The following RALYL variants were observed in gnomAD, a reference collection of about 807,000 sequenced individuals.
RALYL encodes RALY RNA binding protein like, also known as RNA-binding Raly-like protein.
Under a neutral mutation model 35.1 loss-of-function variants are expected in RALYL, and 29 were observed. The observed-to-expected ratio is 0.83, with a 90% CI of 0.61 to 1.13. The LOEUF (loss-of-function observed/expected upper bound fraction) is 1.13, where lower values mean the gene tolerates loss of function less well. Among genes scored for constraint, RALYL ranks in the 50% most tolerant of loss-of-function variants. RALYL has a pLI of 0.00. For missense variants in RALYL, 359 were observed against 360.4 expected, an observed-to-expected ratio of 1.00 and a Z score of 0.03; for synonymous variants, 120 against 127.6, an observed-to-expected ratio of 0.94 and a Z score of 0.40.
At chr8:84,407,170 A>G (rs901625567) in intron 1 of RALYL, among the ~76,000 whole-genome samples, 1 of 152,026 alleles carries the variant, frequency 6.6e-6, no homozygotes, top group African/African-American at 2.4e-5. Context: ...AGTAATTATG[A>G]TGATACAGCA....
chr8:84,384,259 A>C (rs1363496324), intron 1 of RALYL, among the ~76,000 whole-genome samples: 1 of 151,746 alleles, frequency 6.6e-6, no homozygotes, highest in Non-Finnish European at 1.5e-5. Flanking sequence ...GGATCAGAAG[A>C]AATGATGGGT....
chr8:84,279,412 G>A lies in RALYL; in HGVS notation c.-24+94988G>A, dbSNP rs193215206. Among the ~76,000 whole-genome samples the A allele has an allele frequency of 4.6e-5, 7 of 152,252 alleles. No individual in the cohort carries two copies. In the East Asian group the frequency reaches 1.4e-3, roughly 29 times the overall value. On this transcript the variant is annotated intron_variant, in intron 1 of 8. Transcript: ENST00000521268. ...ATTAAAGAGTTTTTATTCAAAATTG[G>A]ACAGATATATTTATGAGATTCAGAA...
intron 2 of RALYL, among the ~76,000 whole-genome samples, chr8:84,674,713 T>C (rs773708935): frequency 1.4e-4 from 21 of 152,198 alleles, no homozygotes; most frequent in Admixed American, 2.6e-4. Flanking sequence ...ATTCTTAGCA[T>C]ATTTTTAGCA....
At chr8:84,362,422 G>T (rs1010128802) in intron 1 of RALYL, among the ~76,000 whole-genome samples, 6 of 152,068 alleles carry the variant, frequency 3.9e-5, no homozygotes, top group African/African-American at 1.4e-4. Flanking sequence ...TAGAGCAGGG[G>T]TCCTCAACCT....
At chr8:84,228,407 G>A (rs1824498708) in intron 1 of RALYL, among the ~76,000 whole-genome samples, 1 of 151,908 alleles carries the variant, frequency 6.6e-6, no homozygotes. Context: ...GGTATCTGAG[G>A]TAGTACTAGA....
At chr8:84,385,752 C>A (rs1358565281) in intron 1 of RALYL, among the ~76,000 whole-genome samples, 1 of 151,780 alleles carries the variant, frequency 6.6e-6, no homozygotes, top group African/African-American at 2.4e-5. Flanking sequence ...GCTAGCTAGC[C>A]TTTGATGTTA....
At chr8:84,228,813 G>A (rs549442803) in intron 1 of RALYL, among the ~76,000 whole-genome samples, 4 of 152,246 alleles carry the variant, frequency 2.6e-5, no homozygotes, top group South Asian at 2.1e-4. Flanking sequence ...GAGAATGAGC[G>A]CTGAGTGAAG....
At chr8:84,571,576 G>C (rs919919308) in intron 2 of RALYL, among the ~76,000 whole-genome samples, 1 of 151,304 alleles carries the variant, frequency 6.6e-6, no homozygotes, top group Non-Finnish European at 1.5e-5. Flanking sequence ...TTCTTTCATT[G>C]GTCATTTGTA....
At chr8:84,231,184 A>G (rs566583467) in intron 1 of RALYL, among the ~76,000 whole-genome samples, 2 of 152,330 alleles carry the variant, frequency 1.3e-5, no homozygotes, top group South Asian at 4.1e-4. Context: ...GGCTTTTTCT[A>G]AGAAGTGATG....
chr8:84,846,966 T>C (rs1473412836), intron 4 of RALYL, among the ~76,000 whole-genome samples: 6 of 152,218 alleles, frequency 3.9e-5, no homozygotes, highest in African/African-American at 7.2e-5. Context: ...TGCTCCACTT[T>C]TGGCTATTTT....
At chr8:84,903,685 T>C (rs1294527218) in intron 8 of RALYL, among the ~76,000 whole-genome samples, 1 of 152,160 alleles carries the variant, frequency 6.6e-6, no homozygotes, top group Admixed American at 6.6e-5. Context: ...CCTATTTTTG[T>C]GTAGGGTGGG....
intron 1 of RALYL, among the ~76,000 whole-genome samples, chr8:84,386,540 G>A (rs963576406): frequency 1.1e-4 from 17 of 151,772 alleles, no homozygotes; most frequent in African/African-American, 3.4e-4. Context: ...TTGGGTAGTA[G>A]TACCTTTATT....
chr8:84,884,496 T>C (rs2403032), intron 7 of RALYL, among the ~76,000 whole-genome samples: 69,470 of 151,570 alleles, frequency 0.46, 18,922 homozygotes, highest in African/African-American at 0.75. Context: ...TATATACATA[T>C]ACACACAAAC....
intron 1 of RALYL, among the ~76,000 whole-genome samples, chr8:84,277,613 T>G (rs1324305010): frequency 2.6e-5 from 4 of 152,124 alleles, no homozygotes; most frequent in African/African-American, 9.7e-5. Flanking sequence ...GCCTGTAAAA[T>G]TAAAAACAAG....
intron 2 of RALYL, among the ~76,000 whole-genome samples, chr8:84,584,761 T>G (rs1176006197): frequency 1.3e-5 from 2 of 152,222 alleles, no homozygotes; most frequent in Non-Finnish European, 2.9e-5. Flanking sequence ...ACAGAAACTT[T>G]GCTAACGCTT....
chr8:84,227,573 C>A (rs1478698547), intron 1 of RALYL, among the ~76,000 whole-genome samples: 1 of 151,950 alleles, frequency 6.6e-6, no homozygotes, highest in African/African-American at 2.4e-5. Context: ...TGATCTTATT[C>A]TTCCACTATT....
chr8:84,619,539 CTT>C lies in RALYL; in HGVS notation c.256+89964_256+89965del, dbSNP rs1482832348. On this transcript the variant is annotated intron_variant, in intron 2 of 8. Coordinates refer to ENST00000521268, the MANE Select transcript of RALYL (RefSeq NM_173848.7). ...TACAGCACACTGATGGGTCTTGACT[CTT>C]TATCCAATTTGCCAGTCTGTGTCTT... Among the ~76,000 whole-genome samples the C allele has an allele frequency of 1.7e-4, 25 of 146,918 alleles. No homozygotes were observed. In the South Asian group the frequency reaches 5.5e-3, roughly 32 times the overall value.
chr8:84,352,454 T>A (rs554291301), intron 1 of RALYL, among the ~76,000 whole-genome samples: 2 of 150,540 alleles, frequency 1.3e-5, no homozygotes, highest in East Asian at 3.9e-4. Context: ...TTTAGGATAT[T>A]TGTTATGCTT....
Position 84,705,193 on chromosome 8 carries a change from G to C in RALYL, c.257-69386G>C, listed in dbSNP as rs182010385. ...AAGGACAGTACAAGCTATAATGAAG[G>C]CAGAGCTTCCACCTTGTCCACTTGA... On this transcript the variant is annotated intron_variant, in intron 2 of 8. Transcript: ENST00000521268. 7.9e-5 allele frequency among the ~76,000 whole-genome samples: 12 copies of C among 152,302 alleles called. No homozygotes were observed. The East Asian group carries it at 1.2e-3, about 15-fold the overall frequency.
Sources: gnomAD v4.1 joint callset for allele counts (sites outside exome capture counted in the v4.1 genomes callset) on GRCh38, gnomAD v4.1.1 for gene constraint, MANE v1.5 for transcripts, NCBI Gene and HGNC (gene_info 2026-07-23, HGNC 2026-07-21) for gene names.